Variants in GIT2 observed in about 807,000 individuals in gnomAD.
The protein encoded by GIT2 is GIT ArfGAP 2.
GIT2 carries 32 observed loss-of-function variants against 100.3 expected under a neutral mutation model. That is an observed-to-expected ratio of 0.32 (90% CI 0.24 to 0.43). The LOEUF (loss-of-function observed/expected upper bound fraction) is 0.43, where lower values mean the gene tolerates loss of function less well. GIT2 is among the 20% of genes least tolerant of loss of function. GIT2 has a pLI of 1.00. For missense variants in GIT2, 737 were observed against 975.1 expected, an observed-to-expected ratio of 0.76 and a Z score of 3.25; for synonymous variants, 353 against 364.1, an observed-to-expected ratio of 0.97 and a Z score of 0.35.
chr12:109,947,655 C>G lies in GIT2; in HGVS notation c.1393-151G>C, dbSNP rs1876710231. On this transcript the variant is annotated intron_variant, in intron 14 of 19. Transcript: ENST00000355312. The surrounding 1 kb of genome is among the most constrained non-coding windows in gnomAD (Gnocchi z 4.3). ...GTAAAAAGCCAATACAAACAAGGAC[C>G]CTTTCTTCTGGATTGGGTGAAACAC... 1 of 672,264 alleles carries G rather than the reference C, an allele frequency of 1.5e-6. No homozygotes were observed. The highest frequency in any genetic ancestry group is 1.8e-5 in the African/African-American group (1 of 55,554). The allele number at this position is 672,264 out of a possible 1,614,324, so 41.6% of individuals were successfully genotyped here.
intron 4 of GIT2, among the ~76,000 whole-genome samples, chr12:109,987,519 T>A (rs1326599596): frequency 6.6e-6 from 1 of 151,944 alleles, no homozygotes; most frequent in Non-Finnish European, 1.5e-5. Flanking sequence ...CAAGCTGGAG[T>A]GCCATGGTGT....
chr12:109,978,982 A>G (rs549772555), intron 7 of GIT2, among the ~76,000 whole-genome samples: 117 of 152,260 alleles, frequency 7.7e-4, no homozygotes, highest in African/African-American at 2.6e-3. Flanking sequence ...AAAAATGTTC[A>G]TATTTTTGTC....
intron 16 of GIT2, among the ~76,000 whole-genome samples, chr12:109,942,035 G>A (rs1309513843): frequency 6.6e-6 from 1 of 152,036 alleles, no homozygotes; most frequent in African/African-American, 2.4e-5. Context: ...ATGTTGCCCA[G>A]CCTGGTCTTG....
intron 7 of GIT2, among the ~76,000 whole-genome samples, chr12:109,968,733 T>A (rs1359845744): frequency 6.7e-6 from 1 of 149,366 alleles, no homozygotes; most frequent in African/African-American, 2.5e-5. Flanking sequence ...TATTTATTTA[T>A]TTTGAGTCAG....
intron 14 of GIT2, among the ~76,000 whole-genome samples, chr12:109,949,934 G>A (rs1877369856): frequency 6.6e-6 from 1 of 152,216 alleles, no homozygotes; most frequent in Non-Finnish European, 1.5e-5. Flanking sequence ...TGTATGTTAT[G>A]ACAAAGGGGC....
intron 14 of GIT2, among the ~76,000 whole-genome samples, chr12:109,950,351 T>G (rs1877485009): frequency 6.6e-6 from 1 of 152,246 alleles, no homozygotes; most frequent in South Asian, 2.1e-4. Context: ...ATTTTGTTTC[T>G]GGTTAAGTAA....
At chr12:109,986,059 T>C (rs1265164678) in intron 4 of GIT2, among the ~76,000 whole-genome samples, 1 of 151,392 alleles carries the variant, frequency 6.6e-6, no homozygotes, top group Non-Finnish European at 1.5e-5. Context: ...TGGCATGATC[T>C]CAGCTCACTG....
intron 16 of GIT2, among the ~76,000 whole-genome samples, chr12:109,944,269 C>A (rs1424904504): frequency 6.6e-6 from 1 of 152,250 alleles, no homozygotes; most frequent in Non-Finnish European, 1.5e-5. Flanking sequence ...CTCCATAATT[C>A]CTAGGTGTGG....
chr12:109,992,760 C>T (rs192120159), intron 1 of GIT2, among the ~76,000 whole-genome samples: 3 of 152,212 alleles, frequency 2.0e-5, no homozygotes, highest in African/African-American at 7.2e-5. Context: ...CAACTTCTGC[C>T]TCCAGGGTTC....
At chr12:109,955,424 C>T (rs1044598395) in intron 12 of GIT2, among the ~76,000 whole-genome samples, 1 of 152,176 alleles carries the variant, frequency 6.6e-6, no homozygotes, top group African/African-American at 2.4e-5. Context: ...CCGCACCCAG[C>T]CTCTTGGTAG....
At chr12:109,992,381 A>C (rs1402647159) in intron 1 of GIT2, among the ~76,000 whole-genome samples, 2 of 152,208 alleles carry the variant, frequency 1.3e-5, no homozygotes, top group East Asian at 3.9e-4. Flanking sequence ...TCCTGACCTC[A>C]GGTGATCCGC....
At chr12:109,977,820 TCAAA>T in intron 7 of GIT2, among the ~76,000 whole-genome samples, 1 of 151,148 alleles carries the variant, frequency 6.6e-6, no homozygotes, top group South Asian at 2.1e-4. Flanking sequence ...ATACTCCATC[TCAAA>T]CAAACAAAGT....
At chr12:109,972,294 C>T (rs1241112460) in intron 7 of GIT2, among the ~76,000 whole-genome samples, 1 of 152,120 alleles carries the variant, frequency 6.6e-6, no homozygotes, top group African/African-American at 2.4e-5. Flanking sequence ...CACAGTCTTT[C>T]ATCATTAAAT....
At chr12:109,973,771 G>T (rs1238392273) in intron 7 of GIT2, among the ~76,000 whole-genome samples, 5 of 151,638 alleles carry the variant, frequency 3.3e-5, no homozygotes, top group African/African-American at 1.2e-4. Context: ...GCTAGGCGCG[G>T]TGTCTCACGC....
chr12:109,964,363 A>C (rs1308273250), intron 9 of GIT2, among the ~76,000 whole-genome samples: 1 of 152,194 alleles, frequency 6.6e-6, no homozygotes, highest in Non-Finnish European at 1.5e-5. Context: ...CATTTAATGT[A>C]ATATTTAATA....
chr12:109,966,149 C>A (rs1882310172), intron 8 of GIT2, among the ~76,000 whole-genome samples: 1 of 151,922 alleles, frequency 6.6e-6, no homozygotes, highest in Non-Finnish European at 1.5e-5. Context: ...GCACACGCCA[C>A]TGTGCCTGGC....
intron 7 of GIT2, among the ~76,000 whole-genome samples, chr12:109,978,597 C>T (rs1013486443): frequency 5.9e-5 from 9 of 152,078 alleles, no homozygotes; most frequent in African/African-American, 1.9e-4. Context: ...GTTTTCAATT[C>T]ATTGACTTTC....
Position 109,961,841 on chromosome 12 carries a change from T to C in GIT2, c.817-156A>G, listed in dbSNP as rs1016554852. 2.0e-5 allele frequency among the ~76,000 whole-genome samples: 3 copies of C among 152,144 alleles called. No homozygotes were observed. The East Asian group carries it at 5.8e-4, about 29-fold the overall frequency. On this transcript the variant is annotated intron_variant, in intron 9 of 19. Transcript: ENST00000355312. ...TTAAACAGACATAACATTTTCAAAA[T>C]CGTACAGGGCCTCTAGAAATGTCTG...
At chr12:109,941,258 T>C (rs1261248200) in intron 16 of GIT2, among the ~76,000 whole-genome samples, 2 of 152,212 alleles carry the variant, frequency 1.3e-5, no homozygotes, top group Admixed American at 1.3e-4. Flanking sequence ...CTTGGAGCCA[T>C]ATGGGGAGTC....
Sources: allele counts gnomAD v4.1 joint callset (sites outside exome capture counted in the v4.1 genomes callset), GRCh38; gene constraint gnomAD v4.1.1; non-coding constraint Gnocchi (gnomAD v3.1); transcripts MANE v1.5; gene names NCBI Gene and HGNC (gene_info 2026-07-23, HGNC 2026-07-21).